Variants in PTAR1 observed in about 807,000 individuals in gnomAD.
PTAR1 encodes the protein protein prenyltransferase alpha subunit repeat-containing protein 1.
In PTAR1, 17 loss-of-function variants were observed where a neutral mutation model predicts 45.5. That is an observed-to-expected ratio of 0.37 (90% confidence interval 0.26 to 0.56). The LOEUF is 0.56. Among genes scored for constraint, PTAR1 ranks in the 20% least tolerant of loss-of-function variants. The pLI is 0.77. For missense variants in PTAR1, 391 were observed against 476.3 expected, an observed-to-expected ratio of 0.82 and a Z score of 1.67; for synonymous variants, 169 against 171.3, an observed-to-expected ratio of 0.99 and a Z score of 0.11.
rs753656333 is a variant in PTAR1 at position 69,724,191 on chromosome 9, CTAA to C, written c.643-564_643-562del. ...GGGATTAGTAGAAAAACATGATGCA[CTAA>C]TAATAAGATTTTTTCAAGAGCTCGT... On this transcript the variant is annotated intron_variant, in intron 5 of 7. Transcript: ENST00000340434. Among the ~76,000 whole-genome samples the C allele has an allele frequency of 1.1e-4, 16 of 152,204 alleles. No individual in the cohort carries two copies. In the East Asian group the frequency reaches 1.2e-3, roughly 11 times the overall value.
chr9:69,747,784 T>A (rs1826340222), intron 2 of PTAR1, among the ~76,000 whole-genome samples: 1 of 152,108 alleles, frequency 6.6e-6, no homozygotes, highest in Admixed American at 6.5e-5. Flanking sequence ...TTTAAGACAT[T>A]ATACAAGCCA....
At chr9:69,723,241 C>G in intron 6 of PTAR1, 85 bp downstream of exon 6, 1 of 1,133,630 alleles carries the variant, frequency 8.8e-7, no homozygotes. Flanking sequence ...CCCAAGCAGG[C>G]AGGAATCAGG....
At chr9:69,732,714 G>A (rs566841714) in intron 4 of PTAR1, among the ~76,000 whole-genome samples, 14 of 152,176 alleles carry the variant, frequency 9.2e-5, no homozygotes, top group African/African-American at 3.4e-4. Context: ...TAAATTAATG[G>A]CTGATAAATA....
chr9:69,745,154 A>G (rs1826220969), intron 2 of PTAR1, among the ~76,000 whole-genome samples: 2 of 152,230 alleles, frequency 1.3e-5, no homozygotes, highest in Admixed American at 1.3e-4. Context: ...CAAAGAAATG[A>G]GTATTTTCAA....
At chr9:69,736,863 A>T (rs1825812940) in intron 3 of PTAR1, among the ~76,000 whole-genome samples, 1 of 152,166 alleles carries the variant, frequency 6.6e-6, no homozygotes, top group Non-Finnish European at 1.5e-5. Context: ...TTGGGAAGAC[A>T]TCTTAGCTTG....
chr9:69,745,622 C>G (rs1458451125), intron 2 of PTAR1, among the ~76,000 whole-genome samples: 1 of 152,222 alleles, frequency 6.6e-6, no homozygotes, highest in African/African-American at 2.4e-5. Flanking sequence ...CAAAGTAACA[C>G]TTCCTCTACT....
chr9:69,750,584 T>C (rs1241183350), intron 2 of PTAR1, among the ~76,000 whole-genome samples, 197 bp downstream of exon 2: 1 of 151,238 alleles, frequency 6.6e-6, no homozygotes, highest in Non-Finnish European at 1.5e-5. Flanking sequence ...AGGGCTTCTA[T>C]ATAATCACTG....
chr9:69,758,375 CT>C (rs71987365), intron 1 of PTAR1: 94,584 of 148,470 alleles, frequency 0.64, 30,518 homozygotes, highest in Admixed American at 0.72. Flanking sequence ...ATTTGTCCAA[CT>C]TTTTTTTTTT....
chr9:69,759,827 GGAGGCGGC>G lies in PTAR1; in HGVS notation c.86+18_86+25del. On this transcript the variant is annotated intron_variant, in intron 1 of 7. Transcript: ENST00000340434. ...CCCCCGCCCGCTCCCGACGACCCTC[GGAGGCGGC>G]GGAGGCGCGCGACTCACATGTGTGG... 6.6e-7 allele frequency: 1 copy of G among 1,511,492 alleles called. No homozygotes were observed. The highest frequency in any genetic ancestry group is 1.5e-5 in the African/African-American group (1 of 68,782). The allele number at this position is 1,511,492 out of a possible 1,614,324, so 93.6% of individuals were successfully genotyped here.
intron 1 of PTAR1, among the ~76,000 whole-genome samples, chr9:69,751,954 T>C (rs1424197076): frequency 6.6e-6 from 1 of 152,044 alleles, no homozygotes; most frequent in Admixed American, 6.6e-5. Context: ...ACGTAAAAAA[T>C]TTGTGCAAAA....
At position 69,712,912 on chromosome 9, in the gene PTAR1, C is replaced by T. The variant is rs1461103129; in HGVS notation, c.*5430G>A. On this transcript the variant is annotated 3_prime_UTR_variant, in exon 8 of 8. Transcript: ENST00000340434. The stretch of plus-strand genomic sequence containing the variant: ...CAATGAGGCAGTCACAGAATATCTA[C>T]TAGCTACTGTACTGGTAATAGTTTA... The T allele has an allele frequency of 6.6e-6, 1 of 152,054 alleles. No individual in the cohort carries two copies. Among genetic ancestry groups the T allele is most frequent in the Admixed American group, 6.6e-5 (1 of 15,228 alleles). 9.4% of individuals were successfully genotyped at this position (152,054 alleles called of 1,614,324 possible).
At chr9:69,730,118 G>C (rs1034708634) in intron 5 of PTAR1, among the ~76,000 whole-genome samples, 1 of 151,914 alleles carries the variant, frequency 6.6e-6, no homozygotes, top group African/African-American at 2.4e-5. Context: ...CAACAGAAAG[G>C]GGATTTTGCA....
At chr9:69,744,143 A>C (rs1033270335) in intron 2 of PTAR1, among the ~76,000 whole-genome samples, 1 of 152,158 alleles carries the variant, frequency 6.6e-6, no homozygotes, top group African/African-American at 2.4e-5. Flanking sequence ...ACCTGGTCTC[A>C]ATCTCCTGAT....
chr9:69,724,645 G>T (rs1401824941), intron 5 of PTAR1, among the ~76,000 whole-genome samples: 1 of 151,378 alleles, frequency 6.6e-6, no homozygotes, highest in Admixed American at 6.6e-5. Flanking sequence ...CTTTCCTTTT[G>T]CTGAACCCCC....
Position 69,739,757 on chromosome 9 carries a change from T to C in PTAR1, c.323+2035A>G, listed in dbSNP as rs190874115. On this transcript the variant is annotated intron_variant, in intron 3 of 7. Coordinates refer to ENST00000340434, the MANE Select transcript of PTAR1 (RefSeq NM_001099666.2). ...GTACCTATGATTTGATGTCTTTCTATGTCAATCAATCTTACTGATATGAAT... is the reference window on the plus strand; with the variant it reads ...GTACCTATGATTTGATGTCTTTCTACGTCAATCAATCTTACTGATATGAAT... Among the ~76,000 whole-genome samples, 3 of 152,344 alleles carry C rather than the reference T, an allele frequency of 2.0e-5. No individual in the cohort carries two copies. The East Asian group carries it at 5.8e-4, about 29-fold the overall frequency.
intron 3 of PTAR1, 59 bp downstream of exon 3, chr9:69,741,733 C>T (rs928666698): frequency 9.0e-7 from 1 of 1,110,394 alleles, no homozygotes; most frequent in Admixed American, 2.0e-5. Context: ...ACTTATGGGG[C>T]TTACATGTCT....
chr9:69,726,893 G>C (rs1006145319), intron 5 of PTAR1, among the ~76,000 whole-genome samples: 1 of 149,676 alleles, frequency 6.7e-6, no homozygotes, highest in East Asian at 1.9e-4. Context: ...TATTATTTTC[G>C]ATATATTACT....
intron 1 of PTAR1, among the ~76,000 whole-genome samples, chr9:69,752,506 T>C (rs1425793403): frequency 6.6e-6 from 1 of 152,128 alleles, no homozygotes; most frequent in Non-Finnish European, 1.5e-5. Flanking sequence ...GTGGGATCTA[T>C]GGGTTTTTAT....
chr9:69,722,894 G>A (rs1222912133), intron 6 of PTAR1, among the ~76,000 whole-genome samples: 11 of 146,522 alleles, frequency 7.5e-5, no homozygotes, highest in South Asian at 2.1e-4. Context: ...AGCCGAGATC[G>A]CGCTATTGCA....
Sources: allele counts gnomAD v4.1 joint callset (sites outside exome capture counted in the v4.1 genomes callset), GRCh38; gene constraint gnomAD v4.1.1; transcripts MANE v1.5; gene names NCBI Gene and HGNC (gene_info 2026-07-23, HGNC 2026-07-21).